The following NKAIN3 variants were observed in gnomAD, a reference collection of about 807,000 sequenced individuals.
The protein encoded by NKAIN3 is sodium/potassium-transporting ATPase subunit beta-1-interacting protein 3.
NKAIN3 carries 25 observed loss-of-function variants against 30.2 expected under a neutral mutation model. That is an observed-to-expected ratio of 0.83 (90% confidence interval 0.60 to 1.16). The LOEUF (loss-of-function observed/expected upper bound fraction) is 1.16. NKAIN3 is among the 50% of genes most tolerant of loss of function. The pLI is 0.00. For missense variants in NKAIN3, 225 were observed against 254.1 expected (o/e 0.89, Z 0.78); for synonymous variants, 91 against 89.6 (o/e 1.02, Z -0.09).
intron 4 of NKAIN3, among the ~76,000 whole-genome samples, chr8:62,906,319 A>G (rs1821775061): frequency 6.6e-6 from 1 of 150,938 alleles, no homozygotes; most frequent in African/African-American, 2.4e-5. Context: ...TAACTGAAAT[A>G]CGTTACATAT....
chr8:62,274,920 T>G (rs1234937874), intron 1 of NKAIN3, among the ~76,000 whole-genome samples: 1 of 152,182 alleles, frequency 6.6e-6, no homozygotes, highest in Non-Finnish European at 1.5e-5. Flanking sequence ...ACAAAGGACA[T>G]GAACTCATCA....
intron 1 of NKAIN3, among the ~76,000 whole-genome samples, chr8:62,478,970 G>A (rs563296707): frequency 5.7e-4 from 86 of 152,156 alleles, no homozygotes; most frequent in Non-Finnish European, 1.2e-3. Flanking sequence ...AGAGCTCTCA[G>A]CATAAAGCTT....
intron 1 of NKAIN3, among the ~76,000 whole-genome samples, chr8:62,394,638 A>T (rs74990729): frequency 5.4e-3 from 205 of 37,950 alleles, no homozygotes; most frequent in East Asian, 0.024. Flanking sequence ...GGCCAGACAG[A>T]GGTGCTCCTC....
chr8:62,761,173 T>C (rs957010831), intron 4 of NKAIN3, among the ~76,000 whole-genome samples: 7 of 152,194 alleles, frequency 4.6e-5, no homozygotes, highest in African/African-American at 1.7e-4. Flanking sequence ...GAGACATTTA[T>C]GTATAGGTAA....
intron 3 of NKAIN3, among the ~76,000 whole-genome samples, chr8:62,622,518 G>A (rs139262393): frequency 0.02 from 3,007 of 151,866 alleles, 99 homozygotes; most frequent in African/African-American, 0.069. Flanking sequence ...GCTTTAATTC[G>A]CATTTCCTTA....
intron 3 of NKAIN3, among the ~76,000 whole-genome samples, chr8:62,652,613 G>A (rs1026255726): frequency 1.3e-5 from 2 of 152,048 alleles, no homozygotes; most frequent in African/African-American, 4.8e-5. Context: ...GATTATTTGG[G>A]GTAAACTGGG....
chr8:62,780,660 A>T (rs1483312464), intron 4 of NKAIN3, among the ~76,000 whole-genome samples: 3 of 152,194 alleles, frequency 2.0e-5, no homozygotes, highest in Admixed American at 1.3e-4. Context: ...GTGATATATC[A>T]CATAGACAGA....
chr8:62,522,429 C>G (rs558365693), intron 1 of NKAIN3, among the ~76,000 whole-genome samples: 1 of 152,120 alleles, frequency 6.6e-6, no homozygotes, highest in African/African-American at 2.4e-5. Flanking sequence ...CTATACTATA[C>G]TTTTTATCCC....
At chr8:62,873,208 C>T (rs1418657856) in intron 4 of NKAIN3, among the ~76,000 whole-genome samples, 9 of 151,932 alleles carry the variant, frequency 5.9e-5, no homozygotes, top group Admixed American at 5.9e-4. Flanking sequence ...ACAAAACAGA[C>T]TTTAAATCAA....
rs1818767804 is a variant in NKAIN3 at position 62,818,852 on chromosome 8, A to C, written c.471+71723A>C. Reference sequence around the variant, plus strand: ...GGAGGGATTTTTCAGAATGTGAGGAATTTTATGGGATAACTGGCCTGATTT... The same window carrying C: ...GGAGGGATTTTTCAGAATGTGAGGACTTTTATGGGATAACTGGCCTGATTT... On this transcript the variant is annotated intron_variant, in intron 4 of 6. Transcript: ENST00000623646. Among the ~76,000 whole-genome samples, 4 of 152,138 alleles carry C rather than the reference A, an allele frequency of 2.6e-5. No homozygotes were observed. In the South Asian group the frequency reaches 8.3e-4, roughly 32 times the overall value.
rs565040413 is a variant in NKAIN3 at position 62,664,508 on chromosome 8, C to G, written c.273+74714C>G. Among the ~76,000 whole-genome samples, 4 of 152,226 alleles carry G rather than the reference C, an allele frequency of 2.6e-5. No individual in the cohort carries two copies. In the East Asian group the frequency reaches 7.7e-4, roughly 29 times the overall value. ...TATCTGTCCTCATTCTCATCAGTCTCTTAATAACTTTTCATATAGTGGATT... is the reference window on the plus strand; with the variant it reads ...TATCTGTCCTCATTCTCATCAGTCTGTTAATAACTTTTCATATAGTGGATT... On this transcript the variant is annotated intron_variant, in intron 3 of 6. Transcript: ENST00000623646.
chr8:62,364,828 C>CAAAAAAAGA (rs1816683966), intron 1 of NKAIN3, among the ~76,000 whole-genome samples: 1 of 63,760 alleles, frequency 1.6e-5, no homozygotes, highest in Non-Finnish European at 2.6e-5. Context: ...GACTCCACTA[C>CAAAAAAAGA]AAAAAAAAAA....
chr8:62,863,793 C>G, intron 4 of NKAIN3: 1 of 1,611,362 alleles, frequency 6.2e-7, no homozygotes, highest in East Asian at 2.2e-5. Flanking sequence ...TGCCCCCATC[C>G]AAGCTTTCTA....
intron 4 of NKAIN3, among the ~76,000 whole-genome samples, chr8:62,816,768 G>A (rs1345201566): frequency 6.6e-6 from 1 of 152,114 alleles, no homozygotes; most frequent in Non-Finnish European, 1.5e-5. Context: ...AGGGACTAAT[G>A]AGCCCCACGG....
chr8:62,415,357 T>TGAGA (rs572452472), intron 1 of NKAIN3, among the ~76,000 whole-genome samples: 185 of 148,040 alleles, frequency 1.2e-3, no homozygotes, highest in African/African-American at 4.5e-3. Flanking sequence ...ATGATGATGA[T>TGAGA]GAGAGAGATC....
At position 62,956,690 on chromosome 8, in the gene NKAIN3, C is replaced by G. The variant is rs530276542; in HGVS notation, c.603+2718C>G. ...CTAAAAAAAAGCCCACTGATTACAT[C>G]AATCAGTTTAATTCACTTTACTATC... On this transcript the variant is annotated intron_variant, in intron 6 of 6. Transcript: ENST00000623646. Among the ~76,000 whole-genome samples the G allele has an allele frequency of 5.3e-5, 8 of 152,298 alleles. No individual in the cohort carries two copies. The South Asian group carries it at 1.7e-3, about 32-fold the overall frequency.
At chr8:62,632,595 C>T (rs888802470) in intron 3 of NKAIN3, among the ~76,000 whole-genome samples, 15 of 151,988 alleles carry the variant, frequency 9.9e-5, no homozygotes, top group Non-Finnish European at 2.9e-5. Flanking sequence ...CTCCACCTTC[C>T]AGGTTCAAGC....
intron 3 of NKAIN3, among the ~76,000 whole-genome samples, chr8:62,729,610 ATATATATAG>A (rs1369849915): frequency 6.6e-6 from 1 of 151,976 alleles, no homozygotes; most frequent in Non-Finnish European, 1.5e-5. Flanking sequence ...ATGATATATT[ATATATATAG>A]TATCTTTATT....
intron 1 of NKAIN3, among the ~76,000 whole-genome samples, chr8:62,388,757 C>T (rs775079600): frequency 2.6e-5 from 4 of 152,216 alleles, no homozygotes; most frequent in African/African-American, 4.8e-5. Context: ...TCAGCCGGCT[C>T]TGGTTGCTGT....
Sources: allele counts gnomAD v4.1 joint callset (sites outside exome capture counted in the v4.1 genomes callset), GRCh38; gene constraint gnomAD v4.1.1; transcripts MANE v1.5; gene names NCBI Gene and HGNC (gene_info 2026-07-23, HGNC 2026-07-21).